The following ASCC3 variants were observed in gnomAD, a reference collection of about 807,000 sequenced individuals.
The protein encoded by ASCC3 is ASC-1 complex subunit P200.
Under a neutral mutation model 256.3 loss-of-function variants are expected in ASCC3, and 158 were observed. The observed-to-expected ratio is 0.62, with a 90% CI of 0.54 to 0.70. The LOEUF (loss-of-function observed/expected upper bound fraction) is 0.70, where lower values mean the gene tolerates loss of function less well. Among genes scored for constraint, ASCC3 ranks in the 30% least tolerant of loss-of-function variants. ASCC3 has a pLI of 0.00. For synonymous variants in ASCC3, 948 were observed against 883.4 expected (o/e 1.07, Z -1.30); for missense variants, 2,259 against 2,626.0 (o/e 0.86, Z 3.05).
intron 29 of ASCC3, 22 bp from the exon 30 acceptor site, chr6:100,625,356 T>C: frequency 6.2e-7 from 1 of 1,611,006 alleles, no homozygotes; most frequent in Non-Finnish European, 8.5e-7. Flanking sequence ...TTGTGGGAAA[T>C]AAAATGGAAA....
chr6:100,758,738 T>C (rs1031772959), intron 10 of ASCC3, among the ~76,000 whole-genome samples: 3 of 152,210 alleles, frequency 2.0e-5, no homozygotes, highest in African/African-American at 7.2e-5. Flanking sequence ...TTTCTATTCC[T>C]TTGGGTACTG....
intron 8 of ASCC3, among the ~76,000 whole-genome samples, chr6:100,784,814 T>C (rs377340174): frequency 1.3e-5 from 2 of 151,986 alleles, no homozygotes; most frequent in Non-Finnish European, 2.9e-5. Flanking sequence ...TCTTTTCTGT[T>C]TAGATAAAAT....
At chr6:100,632,856 CA>C (rs1774628150) in intron 25 of ASCC3, among the ~76,000 whole-genome samples, 1 of 152,124 alleles carries the variant, frequency 6.6e-6, no homozygotes, top group African/African-American at 2.4e-5. Context: ...TCTAAAACTA[CA>C]AAATTCTTAG....
chr6:100,680,890 A>T (rs189486743), intron 13 of ASCC3, among the ~76,000 whole-genome samples: 4 of 152,168 alleles, frequency 2.6e-5, no homozygotes, highest in Non-Finnish European at 4.4e-5. Context: ...GATATTCAAG[A>T]ATTGTATCTA....
At chr6:100,566,532 G>A (rs148392851) in intron 36 of ASCC3, among the ~76,000 whole-genome samples, 3 of 152,072 alleles carry the variant, frequency 2.0e-5, no homozygotes, top group African/African-American at 4.8e-5. Context: ...CAACAGAAGG[G>A]TATTACTTCA....
chr6:100,638,136 C>T (rs185015699), intron 25 of ASCC3, among the ~76,000 whole-genome samples: 37 of 152,262 alleles, frequency 2.4e-4, no homozygotes, highest in Admixed American at 1.9e-3. Flanking sequence ...GAAATGACCA[C>T]GGCTACTCCA....
At chr6:100,538,916 A>C (rs1775299890) in intron 37 of ASCC3, among the ~76,000 whole-genome samples, 1 of 152,126 alleles carries the variant, frequency 6.6e-6, no homozygotes, top group African/African-American at 2.4e-5. Flanking sequence ...AGAAAATCGA[A>C]ATCCTTTATA....
chr6:100,838,400 G>C (rs1206936706), intron 4 of ASCC3, among the ~76,000 whole-genome samples: 3 of 151,824 alleles, frequency 2.0e-5, no homozygotes, highest in African/African-American at 7.2e-5. Context: ...TTGTGGCATA[G>C]AAAATTATTA....
intron 13 of ASCC3, among the ~76,000 whole-genome samples, chr6:100,711,266 T>C (rs1210493485): frequency 6.6e-6 from 1 of 152,216 alleles, no homozygotes; most frequent in Non-Finnish European, 1.5e-5. Context: ...TTTTTCATAA[T>C]GCATGCAAGT....
At chr6:100,664,879 G>C (rs933020486) in intron 14 of ASCC3, among the ~76,000 whole-genome samples, 24 of 152,100 alleles carry the variant, frequency 1.6e-4, no homozygotes, top group African/African-American at 5.8e-4. Context: ...TAAAACTATT[G>C]GTTGAAGGTG....
At chr6:100,763,060 T>A (rs1309650043) in intron 10 of ASCC3, among the ~76,000 whole-genome samples, 1 of 151,932 alleles carries the variant, frequency 6.6e-6, no homozygotes, top group Non-Finnish European at 1.5e-5. Flanking sequence ...AAAATGAAAG[T>A]GAGGAAAGCA....
At chr6:100,739,031 G>C (rs1780307686) in intron 10 of ASCC3, among the ~76,000 whole-genome samples, 1 of 152,146 alleles carries the variant, frequency 6.6e-6, no homozygotes, top group Admixed American at 6.5e-5. Context: ...TTTTCAAGGG[G>C]AATGCTTCCA....
intron 36 of ASCC3, among the ~76,000 whole-genome samples, chr6:100,568,487 T>C (rs1371765351): frequency 6.6e-6 from 1 of 152,126 alleles, no homozygotes; most frequent in Non-Finnish European, 1.5e-5. Context: ...GTTGCTTGTA[T>C]GTCTTCTTTT....
chr6:100,816,597 T>C (rs1220825798), intron 4 of ASCC3, among the ~76,000 whole-genome samples: 1 of 152,148 alleles, frequency 6.6e-6, no homozygotes, highest in Non-Finnish European at 1.5e-5. Context: ...AATGAGACTA[T>C]CTTCTTTGCA....
intron 11 of ASCC3, among the ~76,000 whole-genome samples, chr6:100,723,196 T>C (rs1246180766): frequency 6.6e-6 from 1 of 151,738 alleles, no homozygotes; most frequent in Non-Finnish European, 1.5e-5. Context: ...AAAATGTTCC[T>C]TCCAGTTGAT....
Position 100,867,839 on chromosome 6 carries a change from A to G in ASCC3, c.90+69T>C, listed in dbSNP as rs757609212. ...TTAACCACATAGAATGGAGAAAAAG[A>G]ATGTCAAATAGTTGTCCATAGTCTG... On this transcript the variant is annotated intron_variant, in intron 2 of 41. Coordinates refer to ENST00000369162, the MANE Select transcript of ASCC3 (RefSeq NM_006828.4). 262 of 1,316,284 alleles carry G rather than the reference A, an allele frequency of 2.0e-4. 1 individual carries two copies. Among genetic ancestry groups the G allele is most frequent in the Middle Eastern group, 7.3e-4 (4 of 5,458 alleles). 81.5% of individuals were successfully genotyped at this position (1,316,284 alleles called of 1,614,324 possible). A position where few individuals can be genotyped will look rare whatever the true frequency, so the allele number is the denominator to read the frequency against.
intron 14 of ASCC3, among the ~76,000 whole-genome samples, chr6:100,666,674 T>A (rs1776490780): frequency 6.6e-6 from 1 of 152,280 alleles, no homozygotes; most frequent in East Asian, 1.9e-4. Flanking sequence ...GCGAGTTTTT[T>A]ACAGAAGGAT....
chr6:100,584,049 A>G (rs1007338409), intron 36 of ASCC3, among the ~76,000 whole-genome samples: 2 of 151,878 alleles, frequency 1.3e-5, no homozygotes, highest in African/African-American at 2.4e-5. Context: ...GGTGCTGAAA[A>G]AAATGTATAT....
At chr6:100,773,044 C>A (rs908883224) in intron 8 of ASCC3, among the ~76,000 whole-genome samples, 1 of 152,088 alleles carries the variant, frequency 6.6e-6, no homozygotes, top group Non-Finnish European at 1.5e-5. Flanking sequence ...TTTCTATAGC[C>A]ATACCAGAAT....
Sources: gnomAD v4.1 joint callset for allele counts (sites outside exome capture counted in the v4.1 genomes callset) on GRCh38, gnomAD v4.1.1 for gene constraint, MANE v1.5 for transcripts, NCBI Gene and HGNC (gene_info 2026-07-23, HGNC 2026-07-21) for gene names.